Variants in CADPS2 observed in about 807,000 individuals in gnomAD.
CADPS2 encodes the protein calcium dependent secretion activator 2.
In CADPS2, 93 loss-of-function variants were observed where a neutral mutation model predicts 172.5. That is an observed-to-expected ratio of 0.54 (90% CI 0.46 to 0.64). The LOEUF is 0.64. Among genes scored for constraint, CADPS2 ranks in the 30% least tolerant of loss-of-function variants. CADPS2 has a pLI of 0.00. For missense variants in CADPS2, 1,420 were observed against 1,565.9 expected (o/e 0.91, Z 1.57); for synonymous variants, 546 against 555.2 (o/e 0.98, Z 0.23).
At chr7:122,364,737 A>AG (rs1271371546) in intron 25 of CADPS2, among the ~76,000 whole-genome samples, 2 of 151,794 alleles carry the variant, frequency 1.3e-5, no homozygotes, top group African/African-American at 4.8e-5. Flanking sequence ...AAAAAAAAAA[A>AG]AAGAGCCCAA....
intron 1 of CADPS2, among the ~76,000 whole-genome samples, chr7:122,856,347 A>G (rs1025363025): frequency 1.3e-5 from 2 of 152,194 alleles, no homozygotes; most frequent in South Asian, 2.1e-4. Context: ...GCAAAATCCA[A>G]GGAATCATCT....
chr7:122,828,347 C>G (rs564549823), intron 1 of CADPS2, among the ~76,000 whole-genome samples: 1 of 151,622 alleles, frequency 6.6e-6, no homozygotes, highest in East Asian at 1.9e-4. Flanking sequence ...ATAATGGGTT[C>G]CTTTTTTTTT....
At chr7:122,488,013 C>A (rs891748400) in intron 11 of CADPS2, among the ~76,000 whole-genome samples, 1 of 152,020 alleles carries the variant, frequency 6.6e-6, no homozygotes, top group Admixed American at 6.6e-5. Flanking sequence ...TGCAAATTTG[C>A]AAAATGAAAA....
chr7:122,345,918 C>CTTTTTTTTTTTTTTTTTTTTT (rs71159791), intron 27 of CADPS2, among the ~76,000 whole-genome samples: 2 of 138,754 alleles, frequency 1.4e-5, no homozygotes, highest in Non-Finnish European at 1.5e-5. Context: ...CCGTAGATAT[C>CTTTTTTTTTTTTTTTTTTTTT]TTTTTTTTTT....
At chr7:122,673,262 C>T (rs918488614) in intron 2 of CADPS2, among the ~76,000 whole-genome samples, 4 of 152,226 alleles carry the variant, frequency 2.6e-5, no homozygotes, top group Non-Finnish European at 2.9e-5. Context: ...CCGCAGCTGG[C>T]TCTGGCAGCC....
chr7:122,729,386 T>C (rs2091425263), intron 2 of CADPS2, among the ~76,000 whole-genome samples: 1 of 151,838 alleles, frequency 6.6e-6, no homozygotes, highest in Admixed American at 6.6e-5. Context: ...AAATACCAAG[T>C]AATGAGATTG....
chr7:122,645,076 A>G (rs2078156795), intron 3 of CADPS2, among the ~76,000 whole-genome samples: 1 of 151,844 alleles, frequency 6.6e-6, no homozygotes, highest in African/African-American at 2.4e-5. Context: ...ACTAAACTAT[A>G]TTAAATAATG....
intron 24 of CADPS2, among the ~76,000 whole-genome samples, chr7:122,383,907 G>A (rs574762812): frequency 6.6e-6 from 1 of 152,112 alleles, no homozygotes; most frequent in Admixed American, 6.6e-5. Context: ...AGGGCCCCTT[G>A]CTCCCCCGAA....
At chr7:122,651,257 T>C in intron 3 of CADPS2, among the ~76,000 whole-genome samples, 1 of 72,372 alleles carries the variant, frequency 1.4e-5, no homozygotes, top group African/African-American at 4.8e-5. Flanking sequence ...AGGCTACTAG[T>C]TGGAAAAAAA....
chr7:122,834,522 A>C (rs1008667826), intron 1 of CADPS2, among the ~76,000 whole-genome samples: 3 of 152,142 alleles, frequency 2.0e-5, no homozygotes, highest in East Asian at 3.9e-4. Context: ...GGGTAAGGGA[A>C]TTCCCTTTCC....
chr7:122,389,229 G>T (rs2044072857), intron 22 of CADPS2, among the ~76,000 whole-genome samples: 1 of 151,962 alleles, frequency 6.6e-6, no homozygotes, highest in Non-Finnish European at 1.5e-5. Context: ...CTCAATTACA[G>T]GTAAAGATGA....
intron 6 of CADPS2, among the ~76,000 whole-genome samples, chr7:122,591,207 G>A (rs2070748247): frequency 6.6e-6 from 1 of 151,988 alleles, no homozygotes; most frequent in Non-Finnish European, 1.5e-5. Context: ...CAAACAGAGA[G>A]CCAAATCATG....
intron 9 of CADPS2, among the ~76,000 whole-genome samples, chr7:122,512,840 G>A (rs1029410694): frequency 6.6e-6 from 1 of 152,010 alleles, no homozygotes; most frequent in African/African-American, 2.4e-5. Context: ...GGGTCTACGA[G>A]GTCAAAACTG....
chr7:122,414,077 C>T lies in CADPS2; in HGVS notation c.2581-1G>A. ...AAATCATTTTACTCACCTCTCTTCC[C>T]TGAGGGTTTCCAAGAATTTGGAAGC... On this transcript the variant is annotated splice_acceptor_variant, in intron 18 of 29. Transcript: ENST00000449022. LOFTEE classifies it high-confidence loss of function. 6.5e-7 allele frequency: 1 copy of T among 1,536,344 alleles called. No homozygotes were observed. Among genetic ancestry groups the T allele is most frequent in the Non-Finnish European group, 8.6e-7 (1 of 1,156,144 alleles).
At chr7:122,742,609 T>TATTAATTCAAAC (rs1356199833) in intron 1 of CADPS2, among the ~76,000 whole-genome samples, 1 of 152,150 alleles carries the variant, frequency 6.6e-6, no homozygotes, top group East Asian at 1.9e-4. Flanking sequence ...ATTCTATGTC[T>TATTAATTCAAAC]ATTAATTCAA....
At chr7:122,371,628 G>A (rs139017855) in intron 25 of CADPS2, among the ~76,000 whole-genome samples, 36 of 150,492 alleles carry the variant, frequency 2.4e-4, no homozygotes, top group African/African-American at 8.3e-4. Context: ...GGGTGAAGTG[G>A]GGGACCATGG....
At chr7:122,397,419 T>C (rs185332980) in intron 20 of CADPS2, among the ~76,000 whole-genome samples, 31 of 93,944 alleles carry the variant, frequency 3.3e-4, no homozygotes, top group African/African-American at 1.2e-3. Flanking sequence ...GGGGGAGAAA[T>C]GGGGGAGACA....
At chr7:122,370,838 G>C (rs1414265717) in intron 25 of CADPS2, among the ~76,000 whole-genome samples, 1 of 152,182 alleles carries the variant, frequency 6.6e-6, no homozygotes, top group Admixed American at 6.5e-5. Flanking sequence ...TTTAAGATGT[G>C]GGGGAGAGTG....
intron 8 of CADPS2, among the ~76,000 whole-genome samples, chr7:122,531,874 T>C (rs1047313178): frequency 3.3e-5 from 5 of 151,740 alleles, no homozygotes; most frequent in African/African-American, 9.7e-5. Flanking sequence ...CTACTAAAAA[T>C]ACAAAAATTA....
Sources: allele counts gnomAD v4.1 joint callset (sites outside exome capture counted in the v4.1 genomes callset), GRCh38; gene constraint gnomAD v4.1.1; transcripts MANE v1.5; gene names NCBI Gene and HGNC (gene_info 2026-07-23, HGNC 2026-07-21).